Variants in TASL observed in about 807,000 individuals in gnomAD.
The protein encoded by TASL is TLR adaptor interacting with endolysosomal SLC15A4.
A neutral mutation model predicts 12.9 loss-of-function variants in TASL; 6 were observed. The ratio of observed to expected loss-of-function variants is 0.46; its 90% CI spans 0.25 to 0.92. TASL has a LOEUF of 0.92. Ranked by LOEUF, TASL falls within the 40% of genes least tolerant of loss-of-function variation. The pLI is 0.17. For synonymous variants in TASL, 85 were observed against 79.3 expected (o/e 1.07, Z -0.38); for missense variants, 165 against 212.8 (o/e 0.78, Z 1.40).
intron 2 of TASL, among the ~76,000 whole-genome samples, chrX:30,565,739 T>C (rs924604126): frequency 6.6e-4 from 74 of 112,142 alleles, no homozygotes; most frequent in African/African-American, 2.2e-3. Flanking sequence ...ATACTGAAGA[T>C]TGCTAATTAT....
intron 2 of TASL, among the ~76,000 whole-genome samples, chrX:30,561,201 G>C (rs1330117219): frequency 9.0e-6 from 1 of 111,689 alleles, no homozygotes; most frequent in Non-Finnish European, 1.9e-5. Flanking sequence ...AGCCTACCCT[G>C]CCTTTGTATC....
chrX:30,575,812 T>A (rs1930696281), intron 2 of TASL, among the ~76,000 whole-genome samples: 1 of 112,005 alleles, frequency 8.9e-6, no homozygotes, highest in Non-Finnish European at 1.9e-5. Context: ...TCAGAAAATG[T>A]AAACTTTGGT....
intron 2 of TASL, among the ~76,000 whole-genome samples, chrX:30,562,897 TACACAC>T (rs72184120): frequency 1.5e-3 from 126 of 85,079 alleles, no homozygotes; most frequent in African/African-American, 3.3e-3. Flanking sequence ...AAAGGTATAA[TACACAC>T]ACACACACAC....
intron 2 of TASL, among the ~76,000 whole-genome samples, chrX:30,560,920 C>T (rs1930411719): frequency 9.0e-6 from 1 of 110,699 alleles, no homozygotes; most frequent in African/African-American, 3.3e-5. Context: ...ACATTCTGCC[C>T]CGTAGGAAAT....
At chrX:30,567,969 G>A (rs1349612383) in intron 2 of TASL, among the ~76,000 whole-genome samples, 1 of 111,890 alleles carries the variant, frequency 8.9e-6, no homozygotes, top group Non-Finnish European at 1.9e-5. Context: ...AGGTACGGTG[G>A]CTCACACCTG....
chrX:30,572,773 C>G (rs1294470670), intron 2 of TASL, among the ~76,000 whole-genome samples: 1 of 111,988 alleles, frequency 8.9e-6, no homozygotes, highest in African/African-American at 3.2e-5. Context: ...ATATTTTAGA[C>G]TTTGCAAATC....
chrX:30,571,256 GAGAAAGAAAGAAAGAAAGAAAGAAAGAA>G (rs58163494), intron 2 of TASL, among the ~76,000 whole-genome samples: 106 of 36,797 alleles, frequency 2.9e-3, no homozygotes, highest in South Asian at 5.5e-3. Flanking sequence ...GAGAAAGAAA[GAGAAAGAAAGAAAGAAAGAAAGAAAGAA>G]AGAAAGAAAG....
rs762713962 is a variant in TASL, at chrX:30,560,085, C to G, written c.271G>C (p.Val91Leu). 3 of 1,211,437 alleles carry G rather than the reference C, an allele frequency of 2.5e-6. No homozygotes were observed. Among genetic ancestry groups the G allele is most frequent in the Non-Finnish European group, 3.4e-6 (3 of 895,315 alleles). ...GCAGCCAAGTTTGGGCTTTCAAACA[C>G]AGGATTGGGGTTTGTCTGCAGCACT... ...VTVLQTNPNPVFESPNLAAVE... is the reference protein window; with the variant it reads ...VTVLQTNPNPLFESPNLAAVE... Residue 91 changes from valine to leucine, a missense_variant, in exon 3 of 3, where the codon GTG becomes CTG. Val to Leu is a conservative substitution (Grantham distance 32, BLOSUM62 1). Transcript: ENST00000378962.
At chrX:30,563,005 T>C (rs1027275461) in intron 2 of TASL, among the ~76,000 whole-genome samples, 14 of 105,703 alleles carry the variant, frequency 1.3e-4, no homozygotes, top group African/African-American at 4.2e-4. Context: ...AAGCAGGAGA[T>C]TGAGGATTAA....
At chrX:30,572,025 A>G (rs1329265293) in intron 2 of TASL, among the ~76,000 whole-genome samples, 2 of 111,013 alleles carry the variant, frequency 1.8e-5, no homozygotes, top group Non-Finnish European at 3.8e-5. Context: ...TATATTACAT[A>G]TAAAATATAC....
chrX:30,563,425 G>A (rs764904974), intron 2 of TASL, among the ~76,000 whole-genome samples: 10 of 112,505 alleles, frequency 8.9e-5, no homozygotes, highest in Non-Finnish European at 1.1e-4. Context: ...TGGGGAAAGC[G>A]AAGAGCCAAT....
Position 30,560,221 on chromosome X carries a change from A to C in TASL, c.135T>G (p.Ser45=), listed in dbSNP as rs1930398393. Residue 45 remains serine (S), a synonymous_variant, in exon 3 of 3, where the codon TCT becomes TCG. Coordinates refer to ENST00000378962, the MANE Select transcript of TASL (RefSeq NM_025159.3). ...GACTTCTGACTTGTGTTTCATCCAC[A>C]GAGGAATAGGAAAGGGTAGCAACAG... The part of the protein sequence containing the change: ...TNSVATLSYS[S]VDETQVRSLY... 1 of 1,211,502 alleles carries C rather than the reference A, an allele frequency of 8.3e-7. No individual in the cohort carries two copies. Among genetic ancestry groups the C allele is most frequent in the Non-Finnish European group, 1.1e-6 (1 of 895,375 alleles).
Position 30,560,017 on chromosome X carries a change from A to G in TASL, c.339T>C (p.Val113=). 1 of 1,211,136 alleles carries G rather than the reference A, an allele frequency of 8.3e-7. No individual in the cohort carries two copies. Among genetic ancestry groups the G allele is most frequent in the Non-Finnish European group, 1.1e-6 (1 of 894,936 alleles). Residue 113 remains valine (V), a synonymous_variant, in exon 3 of 3, where the codon GTT becomes GTC. Transcript: ENST00000378962. ...CRDASRETYL[V]PSSCKSICKN... ...TGCAAATACTTTTGCAAGAAGATGGAACCAAGTAGGTCTCTCTGCTGGCAT... is the reference window on the plus strand; with the variant it reads ...TGCAAATACTTTTGCAAGAAGATGGGACCAAGTAGGTCTCTCTGCTGGCAT...
At chrX:30,573,571 T>C (rs963164083) in intron 2 of TASL, among the ~76,000 whole-genome samples, 1 of 112,101 alleles carries the variant, frequency 8.9e-6, no homozygotes, top group Admixed American at 9.5e-5. Context: ...ATGACACTGC[T>C]ATAGCCTGGC....
At chrX:30,562,604 A>G (rs983192671) in intron 2 of TASL, among the ~76,000 whole-genome samples, 1 of 111,245 alleles carries the variant, frequency 9.0e-6, no homozygotes, top group Non-Finnish European at 1.9e-5. Flanking sequence ...TGACAACCAA[A>G]GATATCCCCC....
chrX:30,573,773 C>T (rs1263672104), intron 2 of TASL, among the ~76,000 whole-genome samples: 1 of 109,623 alleles, frequency 9.1e-6, no homozygotes, highest in African/African-American at 3.3e-5. Flanking sequence ...CAAAAATTAG[C>T]CTGGTGTGGT....
chrX:30,563,803 C>T (rs1255639696), intron 2 of TASL, among the ~76,000 whole-genome samples: 2 of 111,920 alleles, frequency 1.8e-5, no homozygotes, highest in African/African-American at 6.5e-5. Context: ...GAGGAGTATC[C>T]ACCTTCTAGG....
At position 30,559,108 on chromosome X, in the gene TASL, A is replaced by C; in HGVS notation, c.*342T>G. On this transcript the variant is annotated 3_prime_UTR_variant, in exon 3 of 3. Transcript: ENST00000378962. ...CAGGCGTGAGCCACTACACCCGGCC[A>C]CCTTTTGGCCTTTTTGTTTCATCTC... 1 of 147,935 alleles carries C rather than the reference A, an allele frequency of 6.8e-6. No individual in the cohort carries two copies. The highest frequency in any genetic ancestry group is 1.7e-4 in the East Asian group (1 of 6,003). 12.2% of individuals were successfully genotyped at this position (147,935 alleles called of 1,213,427 possible). A position where few individuals can be genotyped will look rare whatever the true frequency, so the allele number is the denominator to read the frequency against.
At chrX:30,571,256 G>GAAAGAAAGAAAGAAAGAGAA (rs1179232270) in intron 2 of TASL, among the ~76,000 whole-genome samples, 2 of 36,801 alleles carry the variant, frequency 5.4e-5, no homozygotes, top group African/African-American at 2.7e-4. Flanking sequence ...GAGAAAGAAA[G>GAAAGAAAGAAAGAAAGAGAA]AGAAAGAAAG....
Sources: allele counts gnomAD v4.1 joint callset (sites outside exome capture counted in the v4.1 genomes callset), GRCh38; gene constraint gnomAD v4.1.1; transcripts MANE v1.5; gene names NCBI Gene and HGNC (gene_info 2026-07-23, HGNC 2026-07-21).